Variants in RREB1 observed in about 807,000 individuals in gnomAD.
RREB1 encodes ras-responsive element-binding protein 1.
In RREB1, 27 loss-of-function variants were observed where a neutral mutation model predicts 117.8. The observed-to-expected ratio is 0.23, with a 90% CI of 0.17 to 0.32. The LOEUF is 0.32. RREB1 is among the 10% of genes least tolerant of loss of function. The pLI is 1.00. For synonymous variants in RREB1, 1,298 were observed against 1,026.7 expected (o/e 1.26, Z -5.05); for missense variants, 2,577 against 2,378.2 (o/e 1.08, Z -1.74).
chr6:7,163,991 G>T (rs540288977), intron 1 of RREB1, among the ~76,000 whole-genome samples: 1 of 152,322 alleles, frequency 6.6e-6, no homozygotes, highest in African/African-American at 2.4e-5. Flanking sequence ...GCTGGCTCCT[G>T]TTCTCCCATG....
At chr6:7,212,461 G>T (rs1766667910) in intron 8 of RREB1, 1 of 152,202 alleles carries the variant, frequency 6.6e-6, no homozygotes, top group Non-Finnish European at 1.5e-5. Flanking sequence ...CTGTATTCTT[G>T]ATGAGTTGAT....
At chr6:7,118,154 A>C (rs1267331767) in intron 1 of RREB1, among the ~76,000 whole-genome samples, 1 of 152,076 alleles carries the variant, frequency 6.6e-6, no homozygotes, top group Non-Finnish European at 1.5e-5. Flanking sequence ...AGAGTCTTGC[A>C]CTATCTCCCA....
intron 1 of RREB1, among the ~76,000 whole-genome samples, chr6:7,113,574 T>G (rs567494297): frequency 6.6e-6 from 1 of 152,284 alleles, no homozygotes; most frequent in East Asian, 1.9e-4. Context: ...TGCGCGGTGG[T>G]CCACCCGGGG....
chr6:7,163,239 C>CT (rs200932579), intron 1 of RREB1, among the ~76,000 whole-genome samples: 381 of 152,108 alleles, frequency 2.5e-3, no homozygotes, highest in African/African-American at 8.8e-3. Flanking sequence ...TCTGTTGAGC[C>CT]TTTTTTTTAC....
intron 11 of RREB1, among the ~76,000 whole-genome samples, chr6:7,242,922 A>C (rs1343519055): frequency 1.3e-5 from 2 of 152,164 alleles, no homozygotes; most frequent in African/African-American, 4.8e-5. Flanking sequence ...GAAATTCTTC[A>C]TTCACTGTCC....
intron 1 of RREB1, among the ~76,000 whole-genome samples, chr6:7,173,080 C>G (rs1424358752): frequency 6.6e-6 from 1 of 152,160 alleles, no homozygotes; most frequent in African/African-American, 2.4e-5. Flanking sequence ...TATGGATCAG[C>G]CATCCCAAGT....
At chr6:7,221,151 G>A (rs1244487978) in intron 8 of RREB1, among the ~76,000 whole-genome samples, 1 of 152,036 alleles carries the variant, frequency 6.6e-6, no homozygotes, top group Non-Finnish European at 1.5e-5. Context: ...GTGAGGCAGG[G>A]AGGCAAGTGT....
chr6:7,119,547 A>G (rs1161939994), intron 1 of RREB1, among the ~76,000 whole-genome samples: 1 of 152,196 alleles, frequency 6.6e-6, no homozygotes, highest in African/African-American at 2.4e-5. Context: ...AAAGCGTCAG[A>G]AAACGGCTTG....
In RREB1 at chr6:7,230,501, C is replaced by T; in HGVS notation, c.2402C>T (p.Ala801Val). The change falls in exon 10 of 13, where the codon GCC becomes GTC. Residue 801 changes from alanine (A) to valine (V), a missense_variant. Coordinates refer to ENST00000379938, the MANE Select transcript of RREB1 (RefSeq NM_001003699.4). ...AAGGAGTGCAGCGCCGCGTTCGCGG[C>T]CAAGCGCAACTGCATCCACCACATC... is the stretch of plus-strand genomic sequence containing the variant. ...ECKECSAAFA[A>V]KRNCIHHILK... 1.3e-6 allele frequency: 2 copies of T among 1,593,078 alleles called. No individual in the cohort carries two copies. Among genetic ancestry groups the T allele is most frequent in the Non-Finnish European group, 8.5e-7 (1 of 1,176,274 alleles).
intron 1 of RREB1, among the ~76,000 whole-genome samples, chr6:7,136,443 T>G (rs879835768): frequency 1.3e-5 from 2 of 152,204 alleles, no homozygotes; most frequent in Non-Finnish European, 2.9e-5. Flanking sequence ...TGTTATTTAT[T>G]TATTTATTTT....
chr6:7,205,940 GT>G (rs894640868), intron 6 of RREB1, among the ~76,000 whole-genome samples: 2 of 152,118 alleles, frequency 1.3e-5, no homozygotes, highest in Admixed American at 6.5e-5. Context: ...AGATTTGGGG[GT>G]TTTTTCCACG....
chr6:7,163,248 A>G (rs1763756187), intron 1 of RREB1, among the ~76,000 whole-genome samples: 1 of 151,712 alleles, frequency 6.6e-6, no homozygotes, highest in Non-Finnish European at 1.5e-5. Flanking sequence ...CCTTTTTTTT[A>G]CCCCTTAGGA....
Position 7,231,725 on chromosome 6 carries a change from C to T in RREB1, c.3626C>T (p.Ala1209Val). The change falls in exon 10 of 13, where the codon GCC (alanine) becomes GTC (valine). Residue 1209 changes from alanine (A) to valine (V), a missense_variant. Coordinates refer to ENST00000379938, the MANE Select transcript of RREB1 (RefSeq NM_001003699.4). ...GAGGACAACACTCAGGATGAGGTGG[C>T]CGGAGCCCCTGCCGACCACCATGGG... ...TAEDNTQDEV[A>V]GAPADHHGPS... 6.2e-7 allele frequency: 1 copy of T among 1,613,500 alleles called. No individual in the cohort carries two copies. Among genetic ancestry groups the T allele is most frequent in the East Asian group, 2.2e-5 (1 of 44,886 alleles).
chr6:7,245,721 C>T (rs980442883), intron 11 of RREB1, among the ~76,000 whole-genome samples: 8 of 152,210 alleles, frequency 5.3e-5, no homozygotes. Flanking sequence ...ACCCACAGCC[C>T]TTCACAGTCC....
In RREB1 at chr6:7,250,926, G is replaced by A. The variant is rs1352471300; in HGVS notation, c.*1958G>A. ...GCAAATCAGAACCAATGATCCCTTG[G>A]CCTACTTAGTTAAAACCAGTTCATA... On this transcript the variant is annotated 3_prime_UTR_variant, in exon 13 of 13. Coordinates refer to ENST00000379938, the MANE Select transcript of RREB1 (RefSeq NM_001003699.4). 6.6e-6 allele frequency: 1 copy of A among 151,932 alleles called. No homozygotes were observed. Among genetic ancestry groups the A allele is most frequent in the East Asian group, 1.9e-4 (1 of 5,178 alleles). 9.4% of individuals were successfully genotyped at this position (151,932 alleles called of 1,614,324 possible).
chr6:7,184,851 A>C (rs1273986057), intron 4 of RREB1: 1 of 150,538 alleles, frequency 6.6e-6, no homozygotes, highest in Non-Finnish European at 1.5e-5. Flanking sequence ...CATCCTATTG[A>C]TGTATCACCA....
chr6:7,167,794 TGCTGGA>T (rs1410683859), intron 1 of RREB1, among the ~76,000 whole-genome samples: 2 of 152,242 alleles, frequency 1.3e-5, no homozygotes, highest in Non-Finnish European at 1.5e-5. Flanking sequence ...GTAGCTCGCA[TGCTGGA>T]GGATGCCACA....
At chr6:7,164,972 C>T (rs1010142553) in intron 1 of RREB1, among the ~76,000 whole-genome samples, 2 of 152,210 alleles carry the variant, frequency 1.3e-5, no homozygotes, top group Non-Finnish European at 2.9e-5. Context: ...ACTAACTTCT[C>T]GGGTTTCTGG....
chr6:7,230,515 A>T lies in RREB1; in HGVS notation c.2416A>T (p.Ile806Phe). The change falls in exon 10 of 13, where the codon ATC becomes TTC. Residue 806 changes from isoleucine (I) to phenylalanine (F), a missense_variant. Physicochemically the swap from Ile to Phe is conservative, Grantham distance 21 (BLOSUM62 0). Coordinates refer to ENST00000379938, the MANE Select transcript of RREB1 (RefSeq NM_001003699.4). ...CGCGTTCGCGGCCAAGCGCAACTGC[A>T]TCCACCACATCCTCAAGCAGCACCT... ...SAAFAAKRNC[I>F]HHILKQHLHV... The T allele has an allele frequency of 6.3e-7, 1 of 1,594,318 alleles. No homozygotes were observed. Among genetic ancestry groups the T allele is most frequent in the Non-Finnish European group, 8.5e-7 (1 of 1,176,168 alleles).
Sources: gnomAD v4.1 joint callset for allele counts (sites outside exome capture counted in the v4.1 genomes callset) on GRCh38, gnomAD v4.1.1 for gene constraint, MANE v1.5 for transcripts, NCBI Gene and HGNC (gene_info 2026-07-23, HGNC 2026-07-21) for gene names.